Variants in MAP2 observed in about 807,000 individuals in gnomAD.
MAP2 encodes microtubule-associated protein 2.
MAP2 carries 14 observed loss-of-function variants against 137.6 expected under a neutral mutation model. The observed-to-expected ratio is 0.10, with a 90% CI of 0.07 to 0.16. The LOEUF (loss-of-function observed/expected upper bound fraction) is 0.16. Among genes scored for constraint, MAP2 ranks in the 10% least tolerant of loss-of-function variants. The pLI is 1.00. For missense variants in MAP2, 2,088 were observed against 2,191.5 expected, an observed-to-expected ratio of 0.95 and a Z score of 0.94; for synonymous variants, 786 against 782.3, an observed-to-expected ratio of 1.00 and a Z score of -0.08.
At chr2:209,527,845 C>T (rs974118105) in intron 2 of MAP2, among the ~76,000 whole-genome samples, 2 of 152,146 alleles carry the variant, frequency 1.3e-5, no homozygotes, top group African/African-American at 4.8e-5. Context: ...TTTGTCAAGT[C>T]TTCCAAGTAA....
intron 2 of MAP2, among the ~76,000 whole-genome samples, chr2:209,521,110 A>G (rs759344505): frequency 5.7e-4 from 86 of 152,178 alleles, no homozygotes; most frequent in Non-Finnish European, 3.5e-4. Flanking sequence ...GCTTATTTCC[A>G]GTATGTGTAA....
intron 7 of MAP2, chr2:209,690,805 G>C (rs778752053): frequency 4.4e-5 from 57 of 1,289,020 alleles, no homozygotes; most frequent in African/African-American, 7.6e-5. Flanking sequence ...AAGAGGTCAA[G>C]GAGGTGTCTC....
intron 2 of MAP2, among the ~76,000 whole-genome samples, chr2:209,513,771 C>G (rs1485542678): frequency 6.6e-6 from 1 of 152,020 alleles, no homozygotes; most frequent in African/African-American, 2.4e-5. Context: ...GAAAGCAATT[C>G]TGGAAGCACG....
At chr2:209,678,827 A>C (rs991018898) in intron 6 of MAP2, 142 bp downstream of exon 6, 1 of 440,536 alleles carries the variant, frequency 2.3e-6, no homozygotes, top group Non-Finnish European at 4.1e-6. Flanking sequence ...CTGGGTATGC[A>C]CTAGGACCTA....
intron 4 of MAP2, among the ~76,000 whole-genome samples, chr2:209,652,673 G>T (rs1345055368): frequency 6.6e-6 from 1 of 152,070 alleles, no homozygotes; most frequent in Non-Finnish European, 1.5e-5. Context: ...ATTTTTCATG[G>T]TATAGAATTC....
chr2:209,567,405 G>A (rs1285354887), intron 2 of MAP2, among the ~76,000 whole-genome samples: 1 of 152,078 alleles, frequency 6.6e-6, no homozygotes, highest in Admixed American at 6.6e-5. Flanking sequence ...GAGTTGAAAA[G>A]GGGAAGGCAA....
chr2:209,451,871 C>T (rs1357462983), intron 1 of MAP2, among the ~76,000 whole-genome samples: 2 of 152,204 alleles, frequency 1.3e-5, no homozygotes, highest in African/African-American at 4.8e-5. Flanking sequence ...ACCTAATCCT[C>T]TCTCTACTCT....
At chr2:209,432,332 G>GGTT (rs757114664) in intron 1 of MAP2, among the ~76,000 whole-genome samples, 1 of 151,952 alleles carries the variant, frequency 6.6e-6, no homozygotes, top group Non-Finnish European at 1.5e-5. Flanking sequence ...TATCCCTCTT[G>GGTT]GTTGTTGTTG....
At chr2:209,552,468 A>C (rs1197931701) in intron 2 of MAP2, among the ~76,000 whole-genome samples, 2 of 152,214 alleles carry the variant, frequency 1.3e-5, no homozygotes, top group African/African-American at 4.8e-5. Context: ...TAAGCAATTC[A>C]ATCTGTCACC....
intron 1 of MAP2, among the ~76,000 whole-genome samples, chr2:209,469,010 G>A (rs1425541819): frequency 6.6e-6 from 1 of 152,182 alleles, no homozygotes; most frequent in Admixed American, 6.5e-5. Context: ...TTATGACTGA[G>A]CCAGAAACTG....
intron 5 of MAP2, among the ~76,000 whole-genome samples, chr2:209,677,827 C>G (rs2052634621): frequency 6.6e-6 from 1 of 151,866 alleles, no homozygotes; most frequent in African/African-American, 2.4e-5. Flanking sequence ...AAAATATCAA[C>G]TCTCTAGAAA....
At chr2:209,706,619 G>A (rs912203062) in intron 12 of MAP2, among the ~76,000 whole-genome samples, 16 of 152,002 alleles carry the variant, frequency 1.1e-4, no homozygotes, top group Non-Finnish European at 1.6e-4. Flanking sequence ...TTCACAACCT[G>A]AAGTCTTAAT....
At chr2:209,588,159 C>T (rs1044831415) in intron 3 of MAP2, among the ~76,000 whole-genome samples, 15 of 152,150 alleles carry the variant, frequency 9.9e-5, no homozygotes, top group Admixed American at 7.9e-4. Context: ...CAGCACTGGT[C>T]TTCTTTGCAT....
chr2:209,678,624 C>A lies in MAP2; in HGVS notation c.315C>A (p.Val105=). 4 of 1,607,908 alleles carry A rather than the reference C, an allele frequency of 2.5e-6. No homozygotes were observed. The highest frequency in any genetic ancestry group is 3.4e-6 in the Non-Finnish European group (4 of 1,176,774). Residue 105 remains valine (V), a synonymous_variant, in exon 6 of 16, where the codon GTC becomes GTA. Transcript: ENST00000682079. ...TAGTCACTGCTGAGGCTGTAGCAGT[C>A]CTGAAAGGTGAACAAGAGAAAGAAG... is the stretch of plus-strand genomic sequence containing the variant. ...VQVVTAEAVA[V]LKGEQEKEAQ... is the part of the protein sequence containing the mutation.
chr2:209,430,086 T>C (rs752045976), intron 1 of MAP2, among the ~76,000 whole-genome samples: 2 of 151,518 alleles, frequency 1.3e-5, no homozygotes, highest in Non-Finnish European at 2.9e-5. Context: ...TATGATTCAC[T>C]ACGTCCTTTT....
At chr2:209,679,499 A>C (rs962913699) in intron 6 of MAP2, among the ~76,000 whole-genome samples, 4 of 151,306 alleles carry the variant, frequency 2.6e-5, no homozygotes, top group Non-Finnish European at 1.5e-5. Flanking sequence ...ACAGGTATAT[A>C]CACGTGAGTC....
chr2:209,550,699 A>G (rs1577952197), intron 2 of MAP2, among the ~76,000 whole-genome samples: 2 of 152,278 alleles, frequency 1.3e-5, no homozygotes, highest in East Asian at 3.9e-4. Context: ...TAGTTAACAA[A>G]GGGCTGAAAC....
At chr2:209,646,143 G>C (rs1304995127) in intron 4 of MAP2, among the ~76,000 whole-genome samples, 1 of 152,170 alleles carries the variant, frequency 6.6e-6, no homozygotes, top group South Asian at 2.1e-4. Flanking sequence ...GCTGCAGTGA[G>C]TGTGATTGCA....
chr2:209,714,866 A>G (rs1265470914), intron 13 of MAP2, among the ~76,000 whole-genome samples: 1 of 152,174 alleles, frequency 6.6e-6, no homozygotes, highest in African/African-American at 2.4e-5. Flanking sequence ...ATAATTAGTC[A>G]CTTATCTGCA....
Sources: gnomAD v4.1 joint callset for allele counts (sites outside exome capture counted in the v4.1 genomes callset) on GRCh38, gnomAD v4.1.1 for gene constraint, MANE v1.5 for transcripts, NCBI Gene and HGNC (gene_info 2026-07-23, HGNC 2026-07-21) for gene names.